BCAS3: variants seen among roughly 807,000 people sequenced by gnomAD.
BCAS3 encodes BCAS4/BCAS3 fusion.
A neutral mutation model predicts 116.1 loss-of-function variants in BCAS3; 53 were observed. The ratio of observed to expected loss-of-function variants is 0.46; its 90% confidence interval spans 0.37 to 0.57. BCAS3 has a LOEUF of 0.57. Among genes scored for constraint, BCAS3 ranks in the 20% least tolerant of loss-of-function variants. The pLI is 0.00. For missense variants in BCAS3, 917 were observed against 1,165.4 expected, an observed-to-expected ratio of 0.79 and a Z score of 3.10; for synonymous variants, 391 against 408.2, an observed-to-expected ratio of 0.96 and a Z score of 0.51.
At chr17:61,242,452 C>T (rs75389005) in intron 22 of BCAS3, among the ~76,000 whole-genome samples, 6,409 of 152,078 alleles carry the variant, frequency 0.042, 409 homozygotes, top group African/African-American at 0.15. Context: ...ACCAAATACA[C>T]GTTTGGTTAA....
In BCAS3 at chr17:60,733,632, G is replaced by A. The variant is rs568917210; in HGVS notation, c.322-13566G>A. ...TGAGGTGAGATGACTGCTTGAGCCC[G>A]GGAGCTTGAGACCAGCCTGGGCAAC... is the stretch of plus-strand genomic sequence containing the variant. On this transcript the variant is annotated intron_variant, in intron 5 of 23. Transcript: ENST00000407086. 1.8e-4 allele frequency among the ~76,000 whole-genome samples: 28 copies of A among 152,108 alleles called. 1 individual carries two copies. Among genetic ancestry groups the A allele is most frequent in the African/African-American group, 6.8e-4 (28 of 41,474 alleles).
intron 19 of BCAS3, among the ~76,000 whole-genome samples, chr17:61,046,056 ATTATATATATATAATATATATATAT>A (rs2068250715): frequency 5.3e-5 from 1 of 19,008 alleles, no homozygotes; most frequent in Non-Finnish European, 7.1e-5. Flanking sequence ...TAATATATAT[ATTATATATATATAATATATATATAT>A]TTATATATAT....
intron 6 of BCAS3, among the ~76,000 whole-genome samples, chr17:60,758,653 G>A (rs1454004655): frequency 6.6e-6 from 1 of 152,008 alleles, no homozygotes; most frequent in Non-Finnish European, 1.5e-5. Context: ...AAGTGCTGGG[G>A]TTACAGGCAT....
rs573912085 is a variant in BCAS3 at position 61,307,812 on chromosome 17, C to G, written c.2426-60515C>G. Among the ~76,000 whole-genome samples the G allele has an allele frequency of 1.7e-3, 262 of 152,218 alleles. No individual in the cohort carries two copies. Among genetic ancestry groups the G allele is most frequent in the Non-Finnish European group, 2.6e-3 (175 of 68,008 alleles). Reference sequence around the variant, plus strand: ...CTTTTAATTCATTTTTTTGTAATACCTTCTGTTAGACACTTCCATATGACC... The same window carrying G: ...CTTTTAATTCATTTTTTTGTAATACGTTCTGTTAGACACTTCCATATGACC... On this transcript the variant is annotated intron_variant, in intron 22 of 23. Coordinates refer to ENST00000407086, the MANE Select transcript of BCAS3 (RefSeq NM_017679.5). The surrounding 1 kb of genome is among the most constrained non-coding windows in gnomAD (Gnocchi z 4.7).
chr17:61,192,516 A>G (rs2080209860), intron 22 of BCAS3, among the ~76,000 whole-genome samples: 1 of 152,192 alleles, frequency 6.6e-6, no homozygotes, highest in Non-Finnish European at 1.5e-5. Context: ...CATAAATGTG[A>G]AAATTAGGTT....
chr17:61,293,058 C>T (rs1193404323), intron 22 of BCAS3, among the ~76,000 whole-genome samples: 1 of 152,130 alleles, frequency 6.6e-6, no homozygotes, highest in Non-Finnish European at 1.5e-5. Flanking sequence ...AAAGTTTTCT[C>T]AGAGTATAAA....
rs971971978 is a variant in BCAS3, at chr17:61,278,451, A to C, written c.2426-89876A>C. On this transcript the variant is annotated intron_variant, in intron 22 of 23. Coordinates refer to ENST00000407086, the MANE Select transcript of BCAS3 (RefSeq NM_017679.5). The surrounding 1 kb of genome is among the most constrained non-coding windows in gnomAD (Gnocchi z 5.8). The stretch of plus-strand genomic sequence containing the variant: ...TGGCCTCCCACAGTGCTGGGTTTAC[A>C]GGTGTGTGCCACCATGCCCAGCCTC... Among the ~76,000 whole-genome samples, 2 of 152,202 alleles carry C rather than the reference A, an allele frequency of 1.3e-5. No homozygotes were observed. Among genetic ancestry groups the C allele is most frequent in the Non-Finnish European group, 2.9e-5 (2 of 68,024 alleles).
intron 5 of BCAS3, among the ~76,000 whole-genome samples, chr17:60,739,544 C>T (rs1311435488): frequency 5.9e-5 from 9 of 151,914 alleles, no homozygotes; most frequent in African/African-American, 1.9e-4. Context: ...CGCTTGAATT[C>T]GGGAGGCAGA....
At chr17:60,991,942 A>G (rs905177027) in intron 15 of BCAS3, among the ~76,000 whole-genome samples, 1 of 152,134 alleles carries the variant, frequency 6.6e-6, no homozygotes, top group African/African-American at 2.4e-5. Context: ...GTATATATTA[A>G]CACTTCACTC....
At chr17:61,266,137 G>A (rs2049686976) in intron 22 of BCAS3, among the ~76,000 whole-genome samples, 1 of 152,122 alleles carries the variant, frequency 6.6e-6, no homozygotes, top group Admixed American at 6.6e-5. Flanking sequence ...GATCATTAAC[G>A]AGCAACTGAA....
chr17:61,045,861 ATATAAATATATATAAATATATAT>A (rs2068030718), intron 19 of BCAS3, among the ~76,000 whole-genome samples: 1 of 6,236 alleles, frequency 1.6e-4, no homozygotes, highest in Admixed American at 2.4e-3. Flanking sequence ...ATATATATAT[ATATAAATATATATAAATATATAT>A]TATATATATA....
rs2078148558 is a variant in BCAS3, at chr17:61,161,185, A to G, written c.2425+76621A>G. ...ATGGAAAAGTTATTTCATTTTTAGTATACTGTATTTCAGCAGCAAGAGTTG... is the reference window on the plus strand; with the variant it reads ...ATGGAAAAGTTATTTCATTTTTAGTGTACTGTATTTCAGCAGCAAGAGTTG... On this transcript the variant is annotated intron_variant, in intron 22 of 23. Transcript: ENST00000407086. The surrounding 1 kb of genome is among the most constrained non-coding windows in gnomAD (Gnocchi z 4.8). Among the ~76,000 whole-genome samples, 1 of 152,242 alleles carries G rather than the reference A, an allele frequency of 6.6e-6. No individual in the cohort carries two copies. The highest frequency in any genetic ancestry group is 2.1e-4 in the South Asian group (1 of 4,836).
intron 7 of BCAS3, among the ~76,000 whole-genome samples, chr17:60,861,476 T>C (rs1228855405): frequency 6.6e-6 from 1 of 152,190 alleles, no homozygotes; most frequent in East Asian, 1.9e-4. Context: ...TTTGGATGCC[T>C]TTTATTTCTT....
chr17:60,784,300 T>A (rs1435277628), intron 6 of BCAS3, among the ~76,000 whole-genome samples: 5 of 130,458 alleles, frequency 3.8e-5, no homozygotes, highest in African/African-American at 1.8e-4. Flanking sequence ...GAAACAAATT[T>A]TTTTTTTTTT....
In BCAS3 at chr17:61,041,241, G is replaced by GAA. The variant is rs60664735; in HGVS notation, c.2029+359_2029+360dup. Among the ~76,000 whole-genome samples, 33 of 145,032 alleles carry GAA rather than the reference G, an allele frequency of 2.3e-4. No individual in the cohort carries two copies. The highest frequency in any genetic ancestry group is 7.2e-4 in the African/African-American group (29 of 40,106). ...AAGCTTGGAATCTGTTTCTAACATG[G>GAA]AAAAAAAAAAACCCCAAAACTTAGC... On this transcript the variant is annotated intron_variant, in intron 19 of 23. Coordinates refer to ENST00000407086, the MANE Select transcript of BCAS3 (RefSeq NM_017679.5). This position sits in a 1 kb window ranked among gnomAD's most constrained non-coding sequence, Gnocchi z 4.7.
intron 19 of BCAS3, chr17:61,070,238 A>G (rs1376169397): frequency 6.5e-7 from 1 of 1,538,726 alleles, no homozygotes; most frequent in Admixed American, 1.7e-5. Flanking sequence ...GATGTGGCCA[A>G]GGTCAACACC....
chr17:60,881,340 C>A (rs959858449), intron 9 of BCAS3, among the ~76,000 whole-genome samples: 1 of 151,986 alleles, frequency 6.6e-6, no homozygotes, highest in Non-Finnish European at 1.5e-5. Flanking sequence ...TTGATGAAGT[C>A]CAATTTATGT....
chr17:61,277,935 T>G (rs1398111584), intron 22 of BCAS3, among the ~76,000 whole-genome samples: 1 of 152,222 alleles, frequency 6.6e-6, no homozygotes, highest in African/African-American at 2.4e-5. Flanking sequence ...AACTGGCAAT[T>G]TCTCAGATGG....
intron 14 of BCAS3, among the ~76,000 whole-genome samples, chr17:60,948,052 G>A (rs1255768460): frequency 2.0e-5 from 3 of 152,064 alleles, no homozygotes; most frequent in Middle Eastern, 3.4e-3. Flanking sequence ...CAGGTGCCAC[G>A]CTAAGTGCTT....
Sources: gnomAD v4.1 joint callset for allele counts (sites outside exome capture counted in the v4.1 genomes callset) on GRCh38, gnomAD v4.1.1 for gene constraint, Gnocchi (gnomAD v3.1) non-coding constraint, MANE v1.5 for transcripts, NCBI Gene and HGNC (gene_info 2026-07-23, HGNC 2026-07-21) for gene names.